GAB3: variants seen among roughly 807,000 people sequenced by gnomAD.
GAB3 encodes GRB2 associated binding protein 3.
Under a neutral mutation model 40.4 loss-of-function variants are expected in GAB3, and 12 were observed. The observed-to-expected ratio is 0.30, with a 90% CI of 0.19 to 0.48. The LOEUF (loss-of-function observed/expected upper bound fraction) is 0.48. GAB3 is among the 20% of genes least tolerant of loss of function. The pLI is 0.99. For missense variants in GAB3, 381 were observed against 461.9 expected (o/e 0.82, Z 1.61); for synonymous variants, 154 against 176.7 (o/e 0.87, Z 1.02).
chrX:154,750,778 C>G (rs936780031), intron 1 of GAB3, among the ~76,000 whole-genome samples, 176 bp downstream of exon 1: 5 of 111,867 alleles, frequency 4.5e-5, no homozygotes, highest in Non-Finnish European at 9.5e-5. Flanking sequence ...CCTAGCACAG[C>G]GGCGAAGCTG....
At chrX:154,694,101 C>T (rs1291988193) in intron 8 of GAB3, among the ~76,000 whole-genome samples, 2 of 111,144 alleles carry the variant, frequency 1.8e-5, no homozygotes, top group Non-Finnish European at 3.8e-5. Flanking sequence ...GGTTTGACTA[C>T]CATATTGGGC....
intron 1 of GAB3, among the ~76,000 whole-genome samples, chrX:154,731,342 G>C (rs1222516779): frequency 3.6e-5 from 4 of 111,901 alleles, no homozygotes; most frequent in Non-Finnish European, 7.5e-5. Flanking sequence ...AATCAAGTCT[G>C]GATGGAGAAT....
chrX:154,749,023 GATCT>G (rs2071570458), intron 1 of GAB3, among the ~76,000 whole-genome samples: 1 of 112,169 alleles, frequency 8.9e-6, no homozygotes, highest in Non-Finnish European at 1.9e-5. Context: ...GACTAGATAT[GATCT>G]TTCTTAGAGA....
rs1409394850 is a variant in GAB3 at position 154,699,198 on chromosome X, G to A, written c.1345+96C>T. 4.3e-6 allele frequency: 3 copies of A among 692,936 alleles called. No individual in the cohort carries two copies. The East Asian group carries it at 9.6e-5, about 22-fold the overall frequency. The allele number at this position is 692,936 out of a possible 1,213,427, so 57.1% of individuals were successfully genotyped here. On this transcript the variant is annotated intron_variant, in intron 6 of 9. Coordinates refer to ENST00000424127, the MANE Select transcript of GAB3 (RefSeq NM_001081573.3). ...CTTACACTTTCCGGCCCTCTGGGGT[G>A]GTTTCTCTAGGTCTTCCTTTACAGA...
intron 4 of GAB3, among the ~76,000 whole-genome samples, chrX:154,711,540 C>T (rs1557256006): frequency 9.0e-6 from 1 of 111,564 alleles, no homozygotes. Context: ...AAGATAACCT[C>T]GTGAGGATAA....
At chrX:154,744,085 G>A (rs1179935041) in intron 1 of GAB3, among the ~76,000 whole-genome samples, 3 of 108,248 alleles carry the variant, frequency 2.8e-5, no homozygotes, top group Admixed American at 1.0e-4. Flanking sequence ...GTGGTGGCGC[G>A]TGCCTGTAAT....
intron 1 of GAB3, among the ~76,000 whole-genome samples, chrX:154,737,574 C>T (rs978517840): frequency 2.7e-5 from 3 of 111,833 alleles, no homozygotes; most frequent in Admixed American, 1.9e-4. Flanking sequence ...AATTTACCCA[C>T]GGTTACTTCA....
At chrX:154,722,444 GA>G (rs2071148515) in intron 1 of GAB3, among the ~76,000 whole-genome samples, 1 of 111,719 alleles carries the variant, frequency 9.0e-6, no homozygotes, top group Non-Finnish European at 1.9e-5. Context: ...GGATTTCTGT[GA>G]AATAAGTAGA....
At position 154,716,253 on chromosome X, in the gene GAB3, T is replaced by G. The variant is rs995198642; in HGVS notation, c.149A>C (p.Asn50Thr). ...CCGGATGGGCTTGCTGGAGTGCTTG[T>G]TCCTGTAGTACTCCAAGACATCGGG... ...GNPDVLEYYR[N>T]KHSSKPIRVI... The change falls in exon 2 of 10, where the codon AAC becomes ACC. Residue 50 changes from asparagine (N) to threonine (T), a missense_variant. By Grantham distance (65) the Asn-to-Thr change is moderately conservative. Transcript: ENST00000424127. 37 of 1,211,374 alleles carry G rather than the reference T, an allele frequency of 3.1e-5. No homozygotes were observed. Among genetic ancestry groups the G allele is most frequent in the Non-Finnish European group, 4.0e-5 (36 of 895,140 alleles).
intron 1 of GAB3, among the ~76,000 whole-genome samples, chrX:154,716,814 CATACA>C (rs1343963127): frequency 7.2e-5 from 8 of 111,871 alleles, no homozygotes; most frequent in African/African-American, 2.6e-4. Flanking sequence ...GAAGGAAAAT[CATACA>C]CATTGGAGAG....
intron 8 of GAB3, among the ~76,000 whole-genome samples, chrX:154,686,227 A>G (rs926379597): frequency 1.8e-5 from 2 of 111,108 alleles, no homozygotes; most frequent in African/African-American, 6.5e-5. Flanking sequence ...TCCTCAACAA[A>G]ATATTAGCAG....
intron 4 of GAB3, among the ~76,000 whole-genome samples, chrX:154,704,063 A>G (rs997968579): frequency 8.9e-6 from 1 of 112,135 alleles, no homozygotes; most frequent in Non-Finnish European, 1.9e-5. Flanking sequence ...TCAGCCATAA[A>G]AAAGAATGAG....
At chrX:154,715,983 T>C (rs781843362) in intron 2 of GAB3, 43 bp downstream of exon 2, 2 of 1,142,017 alleles carry the variant, frequency 1.8e-6, no homozygotes, top group Non-Finnish European at 2.4e-6. Flanking sequence ...CCTCCAGTCC[T>C]GGGATACCCC....
At chrX:154,703,230 G>A (rs1299952775) in intron 4 of GAB3, among the ~76,000 whole-genome samples, 1 of 112,018 alleles carries the variant, frequency 8.9e-6, no homozygotes, top group Non-Finnish European at 1.9e-5. Flanking sequence ...ATTCACAATA[G>A]CAAAGACATG....
At chrX:154,724,130 T>A (rs1404262816) in intron 1 of GAB3, among the ~76,000 whole-genome samples, 3 of 111,106 alleles carry the variant, frequency 2.7e-5, no homozygotes, top group African/African-American at 9.8e-5. Context: ...GTGGATCACT[T>A]GAAGTCTGGA....
intron 8 of GAB3, among the ~76,000 whole-genome samples, chrX:154,689,090 G>C (rs1211940320): frequency 9.0e-6 from 1 of 111,296 alleles, no homozygotes; most frequent in Admixed American, 9.5e-5. Flanking sequence ...CTTCATCCCT[G>C]GGATGCAAGG....
chrX:154,732,005 G>T (rs781987241), intron 1 of GAB3, among the ~76,000 whole-genome samples: 6 of 111,712 alleles, frequency 5.4e-5, no homozygotes, highest in Non-Finnish European at 9.4e-5. Context: ...AAATCAGATC[G>T]TCTGCTTCGG....
At chrX:154,738,679 C>A (rs182597158) in intron 1 of GAB3, among the ~76,000 whole-genome samples, 2 of 112,191 alleles carry the variant, frequency 1.8e-5, no homozygotes, top group East Asian at 5.6e-4. Context: ...TATAATTAAG[C>A]AATCAACATT....
intron 1 of GAB3, among the ~76,000 whole-genome samples, chrX:154,740,590 G>C (rs2148489001): frequency 9.0e-6 from 1 of 110,885 alleles, no homozygotes; most frequent in South Asian, 3.9e-4. Context: ...TTCCACAGAG[G>C]GATGACAATC....
Sources: allele counts gnomAD v4.1 joint callset (sites outside exome capture counted in the v4.1 genomes callset), GRCh38; gene constraint gnomAD v4.1.1; transcripts MANE v1.5; gene names NCBI Gene and HGNC (gene_info 2026-07-23, HGNC 2026-07-21).